Variants in LUZP2 observed in about 807,000 individuals in gnomAD.
The protein encoded by LUZP2 is leucine zipper protein 2.
A neutral mutation model predicts 51.6 loss-of-function variants in LUZP2; 52 were observed. That is an observed-to-expected ratio of 1.01 (90% CI 0.81 to 1.27). The LOEUF (loss-of-function observed/expected upper bound fraction) is 1.27. Among genes scored for constraint, LUZP2 ranks in the 50% most tolerant of loss-of-function variants. The probability of loss-of-function intolerance (pLI) is 0.00; values close to 1 mark genes in which losing one functional copy is unlikely to be tolerated. For synonymous variants in LUZP2, 154 were observed against 137.3 expected (o/e 1.12, Z -0.85); for missense variants, 436 against 395.4 (o/e 1.10, Z -0.87).
At chr11:24,849,770 C>A (rs901032177) in intron 5 of LUZP2, among the ~76,000 whole-genome samples, 1 of 152,160 alleles carries the variant, frequency 6.6e-6, no homozygotes, top group Admixed American at 6.6e-5. Context: ...TATTTCTCCA[C>A]ATCCTCTCCA....
intron 1 of LUZP2, among the ~76,000 whole-genome samples, chr11:24,710,396 C>A (rs2133928992): frequency 6.6e-6 from 1 of 152,102 alleles, no homozygotes; most frequent in Admixed American, 6.6e-5. Flanking sequence ...TATCAGTCAC[C>A]AAGCAGAAGA....
At position 24,738,273 on chromosome 11, in the gene LUZP2, T is replaced by A; in HGVS notation, c.304T>A (p.Ser102Thr). The A allele has an allele frequency of 6.2e-7, 1 of 1,612,620 alleles. No homozygotes were observed. The highest frequency in any genetic ancestry group is 1.3e-5 in the African/African-American group (1 of 74,950). ...EALQNQLKET[S>T]EKAEKHQATI... ...CCTGCAAAATCAGCTTAAGGAGACATCAGAGAAAGCAGAAAAACACCAGGC... is the reference window on the plus strand; with the variant it reads ...CCTGCAAAATCAGCTTAAGGAGACAACAGAGAAAGCAGAAAAACACCAGGC... Residue 102 changes from serine (S) to threonine (T), a missense_variant, in exon 4 of 12, where the codon TCA becomes ACA. Coordinates refer to ENST00000336930, the MANE Select transcript of LUZP2 (RefSeq NM_001009909.4).
At chr11:24,687,473 C>A (rs933532119) in intron 1 of LUZP2, among the ~76,000 whole-genome samples, 9 of 152,010 alleles carry the variant, frequency 5.9e-5, no homozygotes, top group African/African-American at 2.2e-4. Context: ...AGAATGGTAC[C>A]TTTATCAGGT....
At chr11:24,511,895 C>G (rs73429120) in intron 1 of LUZP2, among the ~76,000 whole-genome samples, 3,511 of 151,942 alleles carry the variant, frequency 0.023, 139 homozygotes, top group African/African-American at 0.08. Context: ...CTTATTTAGG[C>G]TAACCTCAGA....
At chr11:24,770,745 CA>C (rs1459395127) in intron 5 of LUZP2, among the ~76,000 whole-genome samples, 1 of 152,092 alleles carries the variant, frequency 6.6e-6, no homozygotes, top group East Asian at 1.9e-4. Context: ...TTGGTTATGG[CA>C]AAATTTGTTC....
At chr11:24,916,858 G>A (rs1041246143) in intron 7 of LUZP2, among the ~76,000 whole-genome samples, 7 of 152,222 alleles carry the variant, frequency 4.6e-5, no homozygotes, top group Admixed American at 4.6e-4. Flanking sequence ...CCAGTAATGG[G>A]ATGGCTGGGC....
chr11:24,913,672 TGTG>T (rs1194937421), intron 6 of LUZP2, among the ~76,000 whole-genome samples: 39 of 122,546 alleles, frequency 3.2e-4, no homozygotes, highest in Admixed American at 8.6e-4. Flanking sequence ...TATTTATTTG[TGTG>T]TGTGTGTGTG....
At chr11:24,498,189 A>G (rs1168555352) in intron 1 of LUZP2, among the ~76,000 whole-genome samples, 1 of 152,246 alleles carries the variant, frequency 6.6e-6, no homozygotes. Context: ...CCTTAGCATC[A>G]TATTGGCAGC....
chr11:25,053,150 G>T (rs1448288801), intron 10 of LUZP2, among the ~76,000 whole-genome samples: 1 of 152,242 alleles, frequency 6.6e-6, no homozygotes, highest in Middle Eastern at 3.4e-3. Flanking sequence ...TTCAAAGAGA[G>T]AGCCCCAGGA....
intron 7 of LUZP2, among the ~76,000 whole-genome samples, chr11:24,956,160 A>G (rs1415186540): frequency 6.6e-6 from 1 of 152,020 alleles, no homozygotes; most frequent in Non-Finnish European, 1.5e-5. Flanking sequence ...GGGACATACA[A>G]GAATGACCCC....
chr11:24,776,771 G>T (rs1436277012), intron 5 of LUZP2, among the ~76,000 whole-genome samples: 1 of 152,094 alleles, frequency 6.6e-6, no homozygotes, highest in Non-Finnish European at 1.5e-5. Flanking sequence ...AGAAGCTCTA[G>T]TCATATGATG....
chr11:24,924,353 C>A (rs12417415), intron 7 of LUZP2, among the ~76,000 whole-genome samples: 1 of 152,126 alleles, frequency 6.6e-6, no homozygotes, highest in East Asian at 1.9e-4. Context: ...GCTGGGATTA[C>A]AGGCGTGAGC....
chr11:24,796,222 T>A (rs60164608), intron 5 of LUZP2, among the ~76,000 whole-genome samples: 2,886 of 152,132 alleles, frequency 0.019, 91 homozygotes, highest in African/African-American at 0.066. Flanking sequence ...CTTAAGCAAA[T>A]GGCATATGCA....
chr11:24,776,994 G>T (rs1224068802), intron 5 of LUZP2, among the ~76,000 whole-genome samples: 1 of 136,792 alleles, frequency 7.3e-6, no homozygotes, highest in Non-Finnish European at 1.6e-5. Context: ...ACTGTAAGTA[G>T]TTTTTTTTTT....
chr11:24,799,509 C>T (rs183762755), intron 5 of LUZP2, among the ~76,000 whole-genome samples: 8 of 151,222 alleles, frequency 5.3e-5, no homozygotes, highest in African/African-American at 1.2e-4. Context: ...GCAGGAGAAT[C>T]GAACTTGGGA....
chr11:24,943,914 T>C (rs1437075239), intron 7 of LUZP2, among the ~76,000 whole-genome samples: 1 of 151,346 alleles, frequency 6.6e-6, no homozygotes, highest in Non-Finnish European at 1.5e-5. Context: ...AGTGCCACAG[T>C]CTATTAAGTG....
At chr11:24,826,428 T>C (rs1042022577) in intron 5 of LUZP2, among the ~76,000 whole-genome samples, 3 of 151,542 alleles carry the variant, frequency 2.0e-5, no homozygotes, top group Non-Finnish European at 4.4e-5. Context: ...TCAAATGTCA[T>C]ACAGAAGACA....
Position 24,983,171 on chromosome 11 carries a change from ACATCTGTTTT to A in LUZP2, c.645_654del (p.Ser216ValfsTer8), listed in dbSNP as rs771035121. The stretch of plus-strand genomic sequence containing the variant: ...GAAAGAGACTGTGCAGCTCTGCTTG[ACATCTGTTTT>A]CCGTGATCAGCCTCCTCCCCCTTTG... On this transcript the variant is annotated frameshift_variant, in exon 9 of 12. Coordinates refer to ENST00000336930, the MANE Select transcript of LUZP2 (RefSeq NM_001009909.4). LOFTEE classifies it high-confidence loss of function. The A allele has an allele frequency of 6.2e-7, 1 of 1,612,264 alleles. No homozygotes were observed. The highest frequency in any genetic ancestry group is 2.2e-5 in the East Asian group (1 of 44,818).
At chr11:25,032,982 A>T (rs1857735470) in intron 9 of LUZP2, among the ~76,000 whole-genome samples, 2 of 152,218 alleles carry the variant, frequency 1.3e-5, no homozygotes, top group Admixed American at 1.3e-4. Context: ...TAACTCTATT[A>T]TACAGAATCC....
Sources: allele counts gnomAD v4.1 joint callset (sites outside exome capture counted in the v4.1 genomes callset), GRCh38; gene constraint gnomAD v4.1.1; transcripts MANE v1.5; gene names NCBI Gene and HGNC (gene_info 2026-07-23, HGNC 2026-07-21).